The following PCDH15 variants were observed in gnomAD, a reference collection of about 807,000 sequenced individuals.
The protein encoded by PCDH15 is protocadherin-15.
Under a neutral mutation model 178.5 loss-of-function variants are expected in PCDH15, and 129 were observed. The observed-to-expected ratio is 0.72, with a 90% CI of 0.63 to 0.84. The LOEUF is 0.84. Ranked by LOEUF, PCDH15 falls within the 40% of genes least tolerant of loss-of-function variation. PCDH15 has a pLI of 0.00. For synonymous variants in PCDH15, 800 were observed against 732.0 expected (o/e 1.09, Z -1.50); for missense variants, 2,230 against 2,099.9 (o/e 1.06, Z -1.21).
intron 3 of PCDH15, among the ~76,000 whole-genome samples, chr10:54,403,367 G>C (rs1952186093): frequency 1.3e-5 from 2 of 152,058 alleles, no homozygotes; most frequent in African/African-American, 2.4e-5. Flanking sequence ...ATAGATGCAG[G>C]AAAGGCTTTC....
rs1434294977 is a variant in PCDH15 at position 54,314,165 on chromosome 10, G to A, written c.876+3106C>T. On this transcript the variant is annotated intron_variant, in intron 8 of 37. Coordinates refer to ENST00000644397, the MANE Select transcript of PCDH15 (RefSeq NM_001384140.1). ...CACACACACACACACACACACACAC[G>A]CAATACAGAGTGCCAAATTTGTATG... is the stretch of plus-strand genomic sequence containing the variant. Among the ~76,000 whole-genome samples, 6 of 147,440 alleles carry A rather than the reference G, an allele frequency of 4.1e-5. No individual in the cohort carries two copies. In the South Asian group the frequency reaches 1.3e-3, roughly 32 times the overall value.
At chr10:54,334,337 A>G (rs992403122) in intron 6 of PCDH15, among the ~76,000 whole-genome samples, 2 of 152,156 alleles carry the variant, frequency 1.3e-5, no homozygotes, top group Non-Finnish European at 2.9e-5. Flanking sequence ...ATTCACATTC[A>G]ATAATGGAGA....
chr10:54,099,196 G>T (rs1005308136), intron 15 of PCDH15, among the ~76,000 whole-genome samples: 1 of 152,086 alleles, frequency 6.6e-6, no homozygotes. Flanking sequence ...GACAGAAAGT[G>T]CACCTTAAAA....
chr10:54,784,318 G>T (rs1591617918), intron 1 of PCDH15, among the ~76,000 whole-genome samples: 1 of 121,924 alleles, frequency 8.2e-6, no homozygotes, highest in African/African-American at 3.1e-5. Context: ...TAAATAAAAA[G>T]ATCTTAGAAT....
rs369178216 is a variant in PCDH15 at position 54,702,543 on chromosome 10, C to T, written c.-28-38253G>A. On this transcript the variant is annotated intron_variant, in intron 1 of 37. Coordinates refer to ENST00000644397, the MANE Select transcript of PCDH15 (RefSeq NM_001384140.1). ...CATTACTTCCAATTCCACAGAAATACAAAAAAAAAAAAAAACCTTCAAGTA... is the reference window on the plus strand; with the variant it reads ...CATTACTTCCAATTCCACAGAAATATAAAAAAAAAAAAAAACCTTCAAGTA... Among the ~76,000 whole-genome samples the T allele has an allele frequency of 4.8e-5, 6 of 125,650 alleles. No homozygotes were observed. The East Asian group carries it at 1.4e-3, about 30-fold the overall frequency. The allele number at this position is 125,650 out of a possible 152,430, so 82.4% of individuals were successfully genotyped here.
At chr10:54,599,928 TAAG>T (rs2092445461) in intron 2 of PCDH15, 1 of 836,042 alleles carries the variant, frequency 1.2e-6, no homozygotes, top group African/African-American at 1.7e-5. Flanking sequence ...AAGTGGCCAC[TAAG>T]GAGGAGTTGG....
intron 3 of PCDH15, among the ~76,000 whole-genome samples, chr10:54,396,001 T>A (rs2135403111): frequency 6.6e-6 from 1 of 152,256 alleles, no homozygotes; most frequent in South Asian, 2.1e-4. Context: ...TAAGGTTTGT[T>A]GAGCTGAAGG....
intron 15 of PCDH15, among the ~76,000 whole-genome samples, chr10:54,106,201 G>T (rs570917672): frequency 6.6e-6 from 1 of 152,282 alleles, no homozygotes; most frequent in African/African-American, 2.4e-5. Flanking sequence ...TGTGGTGATG[G>T]TTGAACAACT....
chr10:54,474,163 A>C (rs1358603398), intron 3 of PCDH15, among the ~76,000 whole-genome samples: 2 of 152,082 alleles, frequency 1.3e-5, no homozygotes, highest in African/African-American at 4.8e-5. Context: ...TATGGTCAAA[A>C]GATGTCTGCT....
At chr10:55,263,039 T>G (rs773581068) in intron 1 of PCDH15, among the ~76,000 whole-genome samples, 1 of 152,076 alleles carries the variant, frequency 6.6e-6, no homozygotes, top group Non-Finnish European at 1.5e-5. Flanking sequence ...TCCCATCACA[T>G]GCCCTGTGAT....
chr10:54,477,584 A>G (rs1016305439), intron 3 of PCDH15, among the ~76,000 whole-genome samples: 3 of 152,122 alleles, frequency 2.0e-5, no homozygotes, highest in Non-Finnish European at 4.4e-5. Context: ...GAATGAACGA[A>G]TATATTTTTT....
At position 55,130,725 on chromosome 10, in the gene PCDH15, GTA is replaced by G. The variant is rs1453054974; in HGVS notation, c.-80+35849_-80+35850del. Among the ~76,000 whole-genome samples, 33 of 115,960 alleles carry G rather than the reference GTA, an allele frequency of 2.8e-4. No homozygotes were observed. In the South Asian group the frequency reaches 7.5e-3, roughly 26 times the overall value. The allele number at this position is 115,960 out of a possible 152,430, so 76.1% of individuals were successfully genotyped here. On this transcript the variant is annotated intron_variant, in intron 2 of 5. Coordinates refer to the PCDH15 transcript ENST00000458638. ...TGTGTGTGTGTGTGTGTGTGTGTGTGTATATACATTAAGCCATAACTAGGCAC... is the reference window on the plus strand; with the variant it reads ...TGTGTGTGTGTGTGTGTGTGTGTGTGTATACATTAAGCCATAACTAGGCAC...
chr10:54,346,458 G>A lies in PCDH15; in HGVS notation c.501C>T (p.Phe167=). The part of the protein sequence containing the change: ...NELTPVGTTI[F]TGFSGDNGAT... ...CTCCATTGTCTCCTGAAAATCCTGTGAATATTGTGGTACCAACTGGAGTGA... is the reference window on the plus strand; with the variant it reads ...CTCCATTGTCTCCTGAAAATCCTGTAAATATTGTGGTACCAACTGGAGTGA... Residue 167 remains phenylalanine (F), a synonymous_variant, in exon 6 of 38, where the codon TTC becomes TTT. Transcript: ENST00000644397. 1 of 1,613,716 alleles carries A rather than the reference G, an allele frequency of 6.2e-7. No individual in the cohort carries two copies. The highest frequency in any genetic ancestry group is 8.5e-7 in the Non-Finnish European group (1 of 1,179,892).
At chr10:54,325,872 G>C (rs1283712601) in intron 7 of PCDH15, among the ~76,000 whole-genome samples, 1 of 152,040 alleles carries the variant, frequency 6.6e-6, no homozygotes, top group Admixed American at 6.6e-5. Context: ...TCGCACCACT[G>C]TACTTCAGCC....
At chr10:54,289,446 G>A (rs182524011) in intron 8 of PCDH15, among the ~76,000 whole-genome samples, 142 of 152,296 alleles carry the variant, frequency 9.3e-4, no homozygotes, top group African/African-American at 3.4e-3. Flanking sequence ...GGAGAAAACA[G>A]AGCAGAAAAG....
At chr10:54,189,731 AT>A (rs2048793007) in intron 11 of PCDH15, among the ~76,000 whole-genome samples, 1 of 152,018 alleles carries the variant, frequency 6.6e-6, no homozygotes, top group East Asian at 1.9e-4. Flanking sequence ...ATTTTTTATG[AT>A]CAGCATTCAA....
chr10:54,414,596 A>G (rs988913407), intron 3 of PCDH15, among the ~76,000 whole-genome samples: 1 of 152,126 alleles, frequency 6.6e-6, no homozygotes, highest in African/African-American at 2.4e-5. Context: ...CACAGTTGTC[A>G]ACTTTTTACT....
intron 2 of PCDH15, among the ~76,000 whole-genome samples, chr10:55,058,805 G>A (rs1841365368): frequency 2.0e-5 from 3 of 152,138 alleles, no homozygotes; most frequent in Non-Finnish European, 1.5e-5. Flanking sequence ...CATGCTATCA[G>A]TGTTCTTCAT....
chr10:55,493,250 T>C (rs1589079107), intron 2 of PCDH15, among the ~76,000 whole-genome samples: 1 of 150,790 alleles, frequency 6.6e-6, no homozygotes, highest in African/African-American at 2.4e-5. Flanking sequence ...ACTAAAGTCA[T>C]ATTGTTAAAA....
Sources: allele counts gnomAD v4.1 joint callset (sites outside exome capture counted in the v4.1 genomes callset), GRCh38; gene constraint gnomAD v4.1.1; transcripts MANE v1.5; gene names NCBI Gene and HGNC (gene_info 2026-07-23, HGNC 2026-07-21).